Variants in SRBD1 observed in about 807,000 individuals in gnomAD.
The protein encoded by SRBD1 is S1 RNA-binding domain-containing protein 1.
Under a neutral mutation model 115.3 loss-of-function variants are expected in SRBD1, and 88 were observed. The ratio of observed to expected loss-of-function variants is 0.76; its 90% CI spans 0.64 to 0.91. SRBD1 has a LOEUF of 0.91. Ranked by LOEUF, SRBD1 falls within the 40% of genes least tolerant of loss-of-function variation. The pLI is 0.00. For synonymous variants in SRBD1, 509 were observed against 407.7 expected, an observed-to-expected ratio of 1.25 and a Z score of -2.99; for missense variants, 1,385 against 1,177.4, an observed-to-expected ratio of 1.18 and a Z score of -2.58.
At chr2:45,549,696 C>CAAAAAAAA (rs10646755) in intron 12 of SRBD1, among the ~76,000 whole-genome samples, 79 of 84,736 alleles carry the variant, frequency 9.3e-4, no homozygotes, top group African/African-American at 2.6e-3. Flanking sequence ...ACTAAAAATA[C>CAAAAAAAA]AAAAAAAAAA....
At position 45,598,387 on chromosome 2, in the gene SRBD1, G is replaced by C. The variant is rs1015058681; in HGVS notation, c.648+1062C>G. ...CCCAGCACTTTGGGAGGCCGAGGCGGGCAGATCACGAGGCAGGCAGATCGA... is the reference window on the plus strand; with the variant it reads ...CCCAGCACTTTGGGAGGCCGAGGCGCGCAGATCACGAGGCAGGCAGATCGA... On this transcript the variant is annotated intron_variant, in intron 4 of 20. Transcript: ENST00000263736. 7.2e-5 allele frequency among the ~76,000 whole-genome samples: 11 copies of C among 152,180 alleles called. No individual in the cohort carries two copies. The East Asian group carries it at 7.7e-4, about 11-fold the overall frequency.
chr2:45,479,521 AAGTGTAATCCTG>A (rs1396349305), intron 15 of SRBD1, among the ~76,000 whole-genome samples: 4 of 152,222 alleles, frequency 2.6e-5, no homozygotes, highest in South Asian at 4.1e-4. Context: ...CCTTAAGCCA[AAGTGTAATCCTG>A]AGCAAGGTCC....
rs983874923 is a variant in SRBD1, at chr2:45,491,917, G to T, written c.1875-3586C>A. On this transcript the variant is annotated intron_variant, in intron 14 of 20. Coordinates refer to ENST00000263736, the MANE Select transcript of SRBD1 (RefSeq NM_018079.5). ...GCTCACTATTACCTCCGCCTCCCAG[G>T]TTCAAGAGATTCTCCTGCCTCAGCC... Among the ~76,000 whole-genome samples the T allele has an allele frequency of 2.0e-5, 3 of 152,084 alleles. No individual in the cohort carries two copies. The East Asian group carries it at 5.8e-4, about 29-fold the overall frequency.
intron 14 of SRBD1, among the ~76,000 whole-genome samples, chr2:45,532,107 T>C (rs1671631302): frequency 6.6e-6 from 1 of 151,790 alleles, no homozygotes; most frequent in Non-Finnish European, 1.5e-5. Flanking sequence ...GAACATGTTC[T>C]TAACTTCTCA....
At chr2:45,584,508 C>T (rs985657921) in intron 5 of SRBD1, among the ~76,000 whole-genome samples, 2 of 152,076 alleles carry the variant, frequency 1.3e-5, no homozygotes, top group African/African-American at 2.4e-5. Flanking sequence ...TGCAAGTTCC[C>T]CCAAAATAAC....
intron 16 of SRBD1, among the ~76,000 whole-genome samples, chr2:45,460,181 G>C (rs1028080570): frequency 6.6e-6 from 1 of 152,046 alleles, no homozygotes; most frequent in African/African-American, 2.4e-5. Flanking sequence ...TAGCTGACTG[G>C]GCTGGATGTC....
intron 16 of SRBD1, among the ~76,000 whole-genome samples, chr2:45,451,739 G>C (rs1335634502): frequency 7.0e-6 from 1 of 142,372 alleles, no homozygotes; most frequent in Non-Finnish European, 1.5e-5. Context: ...TTTTCCATTT[G>C]CTGGCAGCAA....
chr2:45,558,504 G>A, intron 10 of SRBD1, among the ~76,000 whole-genome samples: 1 of 151,888 alleles, frequency 6.6e-6, no homozygotes, highest in East Asian at 1.9e-4. Context: ...GCTGAATCTG[G>A]ACCTAAATAT....
At chr2:45,595,286 C>A (rs1254158802) in intron 4 of SRBD1, among the ~76,000 whole-genome samples, 4 of 152,152 alleles carry the variant, frequency 2.6e-5, no homozygotes, top group Non-Finnish European at 5.9e-5. Context: ...AACAGAGGAC[C>A]AAGTTATCAT....
intron 14 of SRBD1, among the ~76,000 whole-genome samples, chr2:45,544,690 CTT>C (rs1672052887): frequency 2.0e-5 from 3 of 152,202 alleles, no homozygotes; most frequent in South Asian, 4.1e-4. Context: ...TGAAAATAAA[CTT>C]TATGTAAGTT....
At chr2:45,425,021 G>A (rs1181173054) in intron 16 of SRBD1, among the ~76,000 whole-genome samples, 1 of 152,174 alleles carries the variant, frequency 6.6e-6, no homozygotes, top group Admixed American at 6.5e-5. Context: ...TTTCTTCATT[G>A]ATACTCTTGA....
intron 4 of SRBD1, among the ~76,000 whole-genome samples, chr2:45,593,216 T>C (rs1673779438): frequency 6.6e-6 from 1 of 152,152 alleles, no homozygotes; most frequent in African/African-American, 2.4e-5. Context: ...CAATATAAAC[T>C]CATTTAAACT....
At chr2:45,454,264 T>C (rs17394025) in intron 16 of SRBD1, among the ~76,000 whole-genome samples, 75,126 of 151,670 alleles carry the variant, frequency 0.5, 19,675 homozygotes, top group Non-Finnish European at 0.6. Context: ...TGTGAGATAA[T>C]GACTGGGAGC....
chr2:45,594,176 C>T (rs559554427), intron 4 of SRBD1, among the ~76,000 whole-genome samples: 62 of 152,300 alleles, frequency 4.1e-4, no homozygotes, highest in African/African-American at 1.5e-3. Context: ...ATACACAACT[C>T]AGAAATGTTG....
intron 19 of SRBD1, among the ~76,000 whole-genome samples, chr2:45,410,773 A>G (rs565394180): frequency 6.6e-6 from 1 of 152,198 alleles, no homozygotes; most frequent in Non-Finnish European, 1.5e-5. Context: ...ATGCCTATGT[A>G]ATGAAACCTA....
chr2:45,509,600 C>A (rs1401693395), intron 14 of SRBD1, among the ~76,000 whole-genome samples: 3 of 104,428 alleles, frequency 2.9e-5, no homozygotes, highest in African/African-American at 4.5e-5. Flanking sequence ...CGTCTCAAAA[C>A]ACACACACAC....
intron 16 of SRBD1, among the ~76,000 whole-genome samples, chr2:45,424,575 A>C (rs762974412): frequency 9.2e-5 from 14 of 152,224 alleles, no homozygotes; most frequent in Non-Finnish European, 2.1e-4. Context: ...TTTAAACATA[A>C]GTAAAATAGC....
At chr2:45,549,505 C>T (rs879874364) in intron 12 of SRBD1, among the ~76,000 whole-genome samples, 1 of 151,300 alleles carries the variant, frequency 6.6e-6, no homozygotes, top group Non-Finnish European at 1.5e-5. Flanking sequence ...AATGTCCTTA[C>T]AGAAAGATGT....
Position 45,393,082 on chromosome 2 carries a change from T to G in SRBD1, c.2561A>C (p.Glu854Ala). The G allele has an allele frequency of 6.2e-7, 1 of 1,613,708 alleles. No homozygotes were observed. The highest frequency in any genetic ancestry group is 8.5e-7 in the Non-Finnish European group (1 of 1,179,904). Residue 854 changes from glutamate to alanine, a missense_variant, in exon 20 of 21, where the codon GAA (glutamate) becomes GCA (alanine). Transcript: ENST00000263736. ...GAATGAATTTATTTTTTGTTGCATTTCAGGCTTTCCAACCTCATACAGTGT... is the reference window on the plus strand; with the variant it reads ...GAATGAATTTATTTTTTGTTGCATTGCAGGCTTTCCAACCTCATACAGTGT... ...GGTLYEVGKPEMQQKINSFLE... is the reference protein window; with the variant it reads ...GGTLYEVGKPAMQQKINSFLE...
Sources: gnomAD v4.1 joint callset for allele counts (sites outside exome capture counted in the v4.1 genomes callset) on GRCh38, gnomAD v4.1.1 for gene constraint, MANE v1.5 for transcripts, NCBI Gene and HGNC (gene_info 2026-07-23, HGNC 2026-07-21) for gene names.